The following PRR14L variants were observed in gnomAD, a reference collection of about 807,000 sequenced individuals.
The protein encoded by PRR14L is protein PRR14L.
PRR14L carries 80 observed loss-of-function variants against 155.0 expected under a neutral mutation model. The observed-to-expected ratio is 0.52, with a 90% confidence interval of 0.43 to 0.62. The LOEUF (loss-of-function observed/expected upper bound fraction) is 0.62. PRR14L is among the 20% of genes least tolerant of loss of function. PRR14L has a pLI of 0.00. For missense variants in PRR14L, 2,469 were observed against 2,548.0 expected (o/e 0.97, Z 0.67); for synonymous variants, 883 against 916.0 (o/e 0.96, Z 0.65).
chr22:31,741,610 G>A (rs1225983132), intron 1 of PRR14L, among the ~76,000 whole-genome samples: 1 of 152,194 alleles, frequency 6.6e-6, no homozygotes, highest in Non-Finnish European at 1.5e-5. Context: ...GGTGGCTCAT[G>A]CCTATAATCC....
intron 2 of PRR14L, among the ~76,000 whole-genome samples, chr22:31,734,842 C>A (rs2074769862): frequency 6.6e-6 from 1 of 152,206 alleles, no homozygotes; most frequent in Non-Finnish European, 1.5e-5. Context: ...GTGGCCTAAC[C>A]AGCACACAAC....
intron 7 of PRR14L, 68 bp downstream of exon 7, chr22:31,701,588 G>A: frequency 1.1e-6 from 1 of 918,406 alleles, no homozygotes; most frequent in South Asian, 1.5e-5. Context: ...CCATTTAAAG[G>A]GCAATTATAT....
chr22:31,741,682 G>A (rs1808660215), intron 1 of PRR14L, among the ~76,000 whole-genome samples: 1 of 152,014 alleles, frequency 6.6e-6, no homozygotes, highest in South Asian at 2.1e-4. Flanking sequence ...GACCAACCTG[G>A]CCGATATGGT....
At chr22:31,745,831 G>GGA (rs988321918) in intron 1 of PRR14L, among the ~76,000 whole-genome samples, 1 of 144,466 alleles carries the variant, frequency 6.9e-6, no homozygotes, top group African/African-American at 2.6e-5. Flanking sequence ...TGGGTGAGAG[G>GGA]GAGACTCAGT....
intron 7 of PRR14L, among the ~76,000 whole-genome samples, chr22:31,694,920 T>C (rs2074528453): frequency 6.6e-6 from 1 of 151,600 alleles, no homozygotes; most frequent in South Asian, 2.1e-4. Flanking sequence ...CTGTCTCTAC[T>C]AAAAATACAA....
In PRR14L at chr22:31,725,617, TAAGAAA is replaced by T; in HGVS notation, c.475-13_475-8del. Reference sequence around the variant, plus strand: ...ACTGCATCAGGAGATCCTCCTACAGTAAGAAAATCCAGTGGTCAAGGGGGATTCAGA... The same window carrying T: ...ACTGCATCAGGAGATCCTCCTACAGTATCCAGTGGTCAAGGGGGATTCAGA... On this transcript the variant is annotated splice_polypyrimidine_tract_variant and splice_region_variant and intron_variant, in intron 2 of 8. Coordinates refer to ENST00000327423, the MANE Select transcript of PRR14L (RefSeq NM_173566.3). 1 of 1,539,792 alleles carries T rather than the reference TAAGAAA, an allele frequency of 6.5e-7. No individual in the cohort carries two copies. The highest frequency in any genetic ancestry group is 8.8e-7 in the Non-Finnish European group (1 of 1,136,424).
chr22:31,715,210 C>T lies in PRR14L; in HGVS notation c.2629G>A (p.Val877Ile), dbSNP rs1170516746. The T allele has an allele frequency of 6.4e-7, 1 of 1,552,260 alleles. No individual in the cohort carries two copies. The highest frequency in any genetic ancestry group is 2.4e-5 in the East Asian group (1 of 40,920). ...ATTCCACTATTTAACAAGCCTGCTACCATTTTGTTTCTGATCTTATCTCCT... is the reference window on the plus strand; with the variant it reads ...ATTCCACTATTTAACAAGCCTGCTATCATTTTGTTTCTGATCTTATCTCCT... ...LPGDKIRNKM[V>I]AGLLNSGISN... The change falls in exon 4 of 9, where the codon GTA becomes ATA. Residue 877 changes from valine (V) to isoleucine (I), a missense_variant. By Grantham distance (29) the Val-to-Ile change is conservative (BLOSUM62 3). Around this residue, in one of 2 missense-constraint regions of PRR14L, gnomAD observed 2,363 missense variants for 2,371.6 expected, o/e 1.00. Transcript: ENST00000327423.
intron 2 of PRR14L, among the ~76,000 whole-genome samples, chr22:31,727,489 CCT>C (rs1487149175): frequency 2.6e-5 from 4 of 151,816 alleles, no homozygotes; most frequent in African/African-American, 9.7e-5. Flanking sequence ...CCCACCTTGG[CCT>C]CTCAAAGTGC....
At position 31,683,714 on chromosome 22, in the gene PRR14L, GCA is replaced by G. The variant is rs2074466783; in HGVS notation, c.*1811_*1812del. ...GCAGTGGGCCTAGAACATAGCCGTG[GCA>G]CACTTTTCCCTCTGGCTCATGTCAG... On this transcript the variant is annotated 3_prime_UTR_variant, in exon 9 of 9. Coordinates refer to ENST00000327423, the MANE Select transcript of PRR14L (RefSeq NM_173566.3). 6.6e-6 allele frequency: 1 copy of G among 152,204 alleles called. No individual in the cohort carries two copies. The highest frequency in any genetic ancestry group is 1.5e-5 in the Non-Finnish European group (1 of 68,094). 9.4% of individuals were successfully genotyped at this position (152,204 alleles called of 1,614,324 possible).
Position 31,715,908 on chromosome 22 carries a change from TTTA to T in PRR14L, c.1928_1930del (p.Val643_Asn644delinsAsp). On this transcript the variant is annotated inframe_deletion, in exon 4 of 9. Coordinates refer to ENST00000327423, the MANE Select transcript of PRR14L (RefSeq NM_173566.3). ...TAAAACACATTCACTTTCTACTTTGTTTACAACCAGTTCATTGGTACAAGAAAG... is the reference window on the plus strand; with the variant it reads ...TAAAACACATTCACTTTCTACTTTGTCAACCAGTTCATTGGTACAAGAAAG... 6.4e-7 allele frequency: 1 copy of T among 1,551,678 alleles called. No individual in the cohort carries two copies. Among genetic ancestry groups the T allele is most frequent in the Non-Finnish European group, 8.7e-7 (1 of 1,146,912 alleles).
intron 4 of PRR14L, among the ~76,000 whole-genome samples, chr22:31,710,896 C>T (rs574638913): frequency 2.0e-5 from 3 of 152,296 alleles, no homozygotes; most frequent in Non-Finnish European, 4.4e-5. Context: ...CTTCCCAGTT[C>T]ACTTTAAGTT....
chr22:31,733,288 C>T (rs1172057429), intron 2 of PRR14L, among the ~76,000 whole-genome samples: 1 of 147,256 alleles, frequency 6.8e-6, no homozygotes, highest in Non-Finnish European at 1.5e-5. Context: ...AGCCACCGCG[C>T]CTGGCCACTG....
At chr22:31,703,490 G>A (rs1173110820) in intron 6 of PRR14L, 60 bp downstream of exon 6, 6 of 1,514,820 alleles carry the variant, frequency 4.0e-6, no homozygotes, top group Non-Finnish European at 5.4e-6. Flanking sequence ...TGCGATGTGA[G>A]TTGACAATGG....
intron 7 of PRR14L, among the ~76,000 whole-genome samples, chr22:31,697,433 TAAG>T (rs1478975820): frequency 6.6e-6 from 1 of 152,090 alleles, no homozygotes; most frequent in African/African-American, 2.4e-5. Context: ...AATGTCTACT[TAAG>T]AAAAAAACCT....
rs117770543 is a variant in PRR14L, at chr22:31,715,280, T to C, written c.2559A>G (p.Ser853=). 6.9e-4 allele frequency: 1,077 copies of C among 1,552,258 alleles called. 26 individuals are homozygous for C. The East Asian group carries it at 0.023, about 33-fold the overall frequency. ...EKSSCKVSYT[S]QERELDGKET... ...CTTTCCCATCAAGTTCCCTTTCCTG[T>C]GATGTGTAACTCACTTTACAGCTGC... The change falls in exon 4 of 9, where the codon TCA becomes TCG. Residue 853 remains serine, a synonymous_variant. Coordinates refer to ENST00000327423, the MANE Select transcript of PRR14L (RefSeq NM_173566.3).
chr22:31,707,755 T>C (rs1462569135), intron 4 of PRR14L, among the ~76,000 whole-genome samples: 1 of 152,128 alleles, frequency 6.6e-6, no homozygotes, highest in African/African-American at 2.4e-5. Flanking sequence ...TAGAGGCATA[T>C]CAACAAAGTA....
Position 31,713,650 on chromosome 22 carries a change from A to G in PRR14L, c.4189T>C (p.Tyr1397His). The G allele has an allele frequency of 6.4e-7, 1 of 1,551,990 alleles. No homozygotes were observed. The highest frequency in any genetic ancestry group is 8.7e-7 in the Non-Finnish European group (1 of 1,147,056). The change falls in exon 4 of 9, where the codon TAC (tyrosine) becomes CAC (histidine). Residue 1397 changes from tyrosine to histidine, a missense_variant. Tyr to His is a moderately conservative substitution (Grantham distance 83). Transcript: ENST00000327423. ...TATTTCTCTTCTTTCTGCAACATGT[A>G]GTCCAAAACCTCAGGGCTCTGCTGT... ...EKQQSPEVLD[Y>H]MLQKEEKYIR...
At chr22:31,731,364 A>C (rs986102452) in intron 2 of PRR14L, among the ~76,000 whole-genome samples, 1 of 151,880 alleles carries the variant, frequency 6.6e-6, no homozygotes, top group African/African-American at 2.4e-5. Context: ...GGAGATTGAG[A>C]CCATCCTGGC....
At chr22:31,698,548 A>G (rs991122001) in intron 7 of PRR14L, among the ~76,000 whole-genome samples, 3 of 151,570 alleles carry the variant, frequency 2.0e-5, no homozygotes, top group Non-Finnish European at 4.4e-5. Flanking sequence ...AAAAAAAAAG[A>G]AAGCAATCAT....
Sources: gnomAD v4.1 joint callset for allele counts (sites outside exome capture counted in the v4.1 genomes callset) on GRCh38, gnomAD v4.1.1 for gene constraint, gnomAD v4.1.1 regional missense constraint, MANE v1.5 for transcripts, NCBI Gene and HGNC (gene_info 2026-07-23, HGNC 2026-07-21) for gene names.